Variants in CNIH3 observed in about 807,000 individuals in gnomAD.
CNIH3 encodes the protein protein cornichon homolog 3.
CNIH3 carries 14 observed loss-of-function variants against 24.1 expected under a neutral mutation model. That is an observed-to-expected ratio of 0.58 (90% CI 0.38 to 0.91). The LOEUF is 0.91. CNIH3 is among the 40% of genes least tolerant of loss of function. The probability of loss-of-function intolerance (pLI) is 0.00; values close to 1 mark genes in which losing one functional copy is unlikely to be tolerated. For synonymous variants in CNIH3, 68 were observed against 73.8 expected (o/e 0.92, Z 0.40); for missense variants, 178 against 196.8 (o/e 0.90, Z 0.57).
intron 2 of CNIH3, among the ~76,000 whole-genome samples, chr1:224,524,683 A>G (rs1470503314): frequency 1.3e-5 from 2 of 152,216 alleles, no homozygotes; most frequent in East Asian, 3.8e-4. Flanking sequence ...TGTGTATAGA[A>G]AATGAGAAGC....
intron 1 of CNIH3, chr1:224,454,238 G>A: frequency 4.3e-6 from 4 of 926,132 alleles, no homozygotes; most frequent in Non-Finnish European, 5.1e-6. Context: ...ATCATTTACA[G>A]GCTCATTTCT....
At chr1:224,561,711 C>T (rs986358436) in intron 3 of CNIH3, among the ~76,000 whole-genome samples, 11 of 152,198 alleles carry the variant, frequency 7.2e-5, no homozygotes, top group Non-Finnish European at 1.5e-4. Flanking sequence ...GGTCTGAAGG[C>T]TCCCTCTGCC....
intron 5 of CNIH3, among the ~76,000 whole-genome samples, chr1:224,585,243 C>T (rs965932151): frequency 2.0e-5 from 3 of 152,176 alleles, no homozygotes; most frequent in Admixed American, 6.5e-5. Context: ...GCTTATTTTT[C>T]CAGGCCTGTC....
chr1:224,492,978 A>G (rs1677291015), intron 1 of CNIH3, among the ~76,000 whole-genome samples: 1 of 152,232 alleles, frequency 6.6e-6, no homozygotes, highest in Non-Finnish European at 1.5e-5. Flanking sequence ...ATCACCAACA[A>G]TATCAGAATG....
chr1:224,556,820 C>A (rs906560229), intron 3 of CNIH3, among the ~76,000 whole-genome samples: 1 of 152,120 alleles, frequency 6.6e-6, no homozygotes, highest in African/African-American at 2.4e-5. Context: ...CAGTGGCCTG[C>A]GGGTTGGGGA....
At chr1:224,653,998 A>G (rs1174254599) in intron 1 of CNIH3, among the ~76,000 whole-genome samples, 1 of 151,116 alleles carries the variant, frequency 6.6e-6, no homozygotes, top group Non-Finnish European at 1.5e-5. Context: ...AGAGGATCAC[A>G]TGAGCCTGAG....
intron 3 of CNIH3, among the ~76,000 whole-genome samples, chr1:224,603,248 T>G (rs1013973646): frequency 1.3e-5 from 2 of 152,266 alleles, no homozygotes; most frequent in Non-Finnish European, 2.9e-5. Flanking sequence ...TGGCCTTTTA[T>G]CTGCAGTTTA....
At chr1:224,556,040 C>G (rs772661112) in intron 3 of CNIH3, among the ~76,000 whole-genome samples, 14 of 152,228 alleles carry the variant, frequency 9.2e-5, no homozygotes, top group Non-Finnish European at 1.6e-4. Flanking sequence ...TCGTACATTA[C>G]AGCTGGCATG....
At chr1:224,720,998 G>C (rs1223596388) in intron 3 of CNIH3, among the ~76,000 whole-genome samples, 1 of 152,126 alleles carries the variant, frequency 6.6e-6, no homozygotes, top group African/African-American at 2.4e-5. Flanking sequence ...CCACTTGAGA[G>C]GCCGTCACCT....
At chr1:224,699,530 G>A (rs1687368154) in intron 3 of CNIH3, among the ~76,000 whole-genome samples, 1 of 152,150 alleles carries the variant, frequency 6.6e-6, no homozygotes, top group South Asian at 2.1e-4. Context: ...TGCTTGGCTT[G>A]TGTATGGCCA....
In CNIH3 at chr1:224,704,612, CT is replaced by C. The variant is rs1032031890; in HGVS notation, c.198+19778del. ...ATCCCCCGTGTATGTACAGCACATACTTTTTTTTTGCTGGACCATTTAATTG... is the reference window on the plus strand; with the variant it reads ...ATCCCCCGTGTATGTACAGCACATACTTTTTTTTGCTGGACCATTTAATTG... On this transcript the variant is annotated intron_variant, in intron 3 of 5. Transcript: ENST00000272133. This position sits in a 1 kb window ranked among gnomAD's most constrained non-coding sequence, Gnocchi z 4.2. Among the ~76,000 whole-genome samples, 1 of 151,366 alleles carries C rather than the reference CT, an allele frequency of 6.6e-6. No individual in the cohort carries two copies. Among genetic ancestry groups the C allele is most frequent in the Non-Finnish European group, 1.5e-5 (1 of 67,802 alleles).
chr1:224,489,747 C>T (rs1035600878), intron 1 of CNIH3, among the ~76,000 whole-genome samples: 5 of 152,156 alleles, frequency 3.3e-5, no homozygotes, highest in African/African-American at 1.2e-4. Flanking sequence ...TTGTAAACAA[C>T]AAACATTGAT....
intron 1 of CNIH3, chr1:224,454,149 G>A (rs1441639782): frequency 3.9e-6 from 1 of 259,248 alleles, no homozygotes; most frequent in Non-Finnish European, 6.0e-6. Context: ...TTACAAATAA[G>A]CAACACCCAA....
rs117082354 is a variant in CNIH3 at position 224,584,780 on chromosome 1, C to A, written n.620+1513C>A. The stretch of plus-strand genomic sequence containing the variant: ...ATATTCCAGTTTGTGGCCTAGTTGA[C>A]TATGTAGTGTTTTCCCCAGACTTAG... On this transcript the variant is annotated intron_variant and non_coding_transcript_variant, in intron 5 of 5. Coordinates refer to the CNIH3 transcript ENST00000471578. Among the ~76,000 whole-genome samples the A allele has an allele frequency of 4.7e-4, 71 of 152,178 alleles. 1 individual carries two copies. The East Asian group carries it at 0.012, about 26-fold the overall frequency.
chr1:224,568,483 A>C (rs1455809127), intron 4 of CNIH3, among the ~76,000 whole-genome samples: 1 of 152,182 alleles, frequency 6.6e-6, no homozygotes. Context: ...TTGGCCAGGC[A>C]TGGTGGTTCA....
intron 1 of CNIH3, among the ~76,000 whole-genome samples, chr1:224,634,711 C>T (rs1261896313): frequency 6.6e-6 from 1 of 152,166 alleles, no homozygotes; most frequent in Non-Finnish European, 1.5e-5. Context: ...CCCCATGGAG[C>T]ATAAGCCCTT....
At chr1:224,559,110 C>T (rs1232241220) in intron 3 of CNIH3, among the ~76,000 whole-genome samples, 1 of 152,124 alleles carries the variant, frequency 6.6e-6, no homozygotes, top group Non-Finnish European at 1.5e-5. Context: ...AGTGTTTCAT[C>T]TTTCCTTGCA....
chr1:224,598,366 T>C (rs1345527431), intron 3 of CNIH3, among the ~76,000 whole-genome samples: 1 of 152,174 alleles, frequency 6.6e-6, no homozygotes, highest in Admixed American at 6.5e-5. Context: ...AAGAAAGTGG[T>C]TTCTTGAGAT....
intron 1 of CNIH3, among the ~76,000 whole-genome samples, chr1:224,465,291 TAG>T (rs1676109209): frequency 1.3e-5 from 2 of 152,316 alleles, no homozygotes; most frequent in South Asian, 4.1e-4. Flanking sequence ...GTATTTTTAG[TAG>T]AGACGGGGTT....
Sources: gnomAD v4.1 joint callset for allele counts (sites outside exome capture counted in the v4.1 genomes callset) on GRCh38, gnomAD v4.1.1 for gene constraint, Gnocchi (gnomAD v3.1) non-coding constraint, MANE v1.5 for transcripts, NCBI Gene and HGNC (gene_info 2026-07-23, HGNC 2026-07-21) for gene names.